Variants in GABRG3 observed in about 807,000 individuals in gnomAD.
The protein encoded by GABRG3 is gamma-aminobutyric acid type A receptor subunit gamma3, also known as gamma-aminobutyric acid receptor subunit gamma-3.
Under a neutral mutation model 48.8 loss-of-function variants are expected in GABRG3, and 25 were observed. The observed-to-expected ratio is 0.51, with a 90% CI of 0.37 to 0.72. The LOEUF (loss-of-function observed/expected upper bound fraction) is 0.72, where lower values mean the gene tolerates loss of function less well. GABRG3 is among the 30% of genes least tolerant of loss of function. The probability of loss-of-function intolerance (pLI) is 0.00; values close to 1 mark genes in which losing one functional copy is unlikely to be tolerated. For synonymous variants in GABRG3, 227 were observed against 217.6 expected, an observed-to-expected ratio of 1.04 and a Z score of -0.38; for missense variants, 394 against 577.9, an observed-to-expected ratio of 0.68 and a Z score of 3.26.
At chr15:27,366,632 G>T (rs1027386913) in intron 5 of GABRG3, among the ~76,000 whole-genome samples, 2 of 152,216 alleles carry the variant, frequency 1.3e-5, no homozygotes, top group East Asian at 1.9e-4. Context: ...AACCCAAGCT[G>T]TGTCTTCACG....
rs1005219763 is a variant in GABRG3 at position 27,499,053 on chromosome 15, G to A, written c.712+18266G>A. Among the ~76,000 whole-genome samples, 7 of 152,280 alleles carry A rather than the reference G, an allele frequency of 4.6e-5. No individual in the cohort carries two copies. In the South Asian group the frequency reaches 1.5e-3, roughly 32 times the overall value. On this transcript the variant is annotated intron_variant, in intron 6 of 9. Transcript: ENST00000615808. ...AGTACTTTCTCACGGAGCAGACCTC[G>A]TCAGTTGCAGTGGTGCTAAGGGCGG...
intron 2 of GABRG3, among the ~76,000 whole-genome samples, chr15:26,987,565 A>C (rs1283977379): frequency 6.6e-6 from 1 of 152,220 alleles, no homozygotes; most frequent in Non-Finnish European, 1.5e-5. Flanking sequence ...TCTAAAGGAC[A>C]TCTAATCCAA....
At chr15:27,081,724 G>A (rs947647331) in intron 3 of GABRG3, among the ~76,000 whole-genome samples, 4 of 152,186 alleles carry the variant, frequency 2.6e-5, no homozygotes, top group African/African-American at 9.7e-5. Context: ...CAACAACATG[G>A]GCTTCCCAGA....
rs1290928610 is a variant in GABRG3 at position 27,306,972 on chromosome 15, CAT to C, written c.271-19831_271-19830del. Among the ~76,000 whole-genome samples, 76 of 107,786 alleles carry C rather than the reference CAT, an allele frequency of 7.1e-4. 6 individuals are homozygous for C. In the South Asian group the frequency reaches 7.3e-3, roughly 10 times the overall value. 70.7% of individuals were successfully genotyped at this position (107,786 alleles called of 152,430 possible). On this transcript the variant is annotated intron_variant, in intron 3 of 9. Transcript: ENST00000615808. ...TAATATAAACATGTTTATATATAAA[CAT>C]ATATAATATAAACATGTTTATATAT...
At chr15:27,008,720 G>C (rs890666615) in intron 2 of GABRG3, among the ~76,000 whole-genome samples, 2 of 151,848 alleles carry the variant, frequency 1.3e-5, no homozygotes, top group African/African-American at 4.8e-5. Flanking sequence ...AAGTTGGAAG[G>C]AAAGGGAAGG....
intron 5 of GABRG3, among the ~76,000 whole-genome samples, chr15:27,461,340 A>G (rs966351272): frequency 3.3e-5 from 5 of 152,176 alleles, no homozygotes; most frequent in Non-Finnish European, 7.3e-5. Context: ...AAAGTTTACA[A>G]ACATTGACTA....
intron 3 of GABRG3, among the ~76,000 whole-genome samples, chr15:27,312,468 C>A (rs77628044): frequency 0.026 from 4,024 of 151,988 alleles, 141 homozygotes; most frequent in East Asian, 0.089. Flanking sequence ...AATGAGTCCC[C>A]AAAATGCATA....
At chr15:27,446,700 A>G (rs1888956405) in intron 5 of GABRG3, among the ~76,000 whole-genome samples, 1 of 152,144 alleles carries the variant, frequency 6.6e-6, no homozygotes, top group Non-Finnish European at 1.5e-5. Context: ...TTGTTTATAT[A>G]AATACAATTT....
intron 3 of GABRG3, among the ~76,000 whole-genome samples, chr15:27,172,541 C>T (rs1044347001): frequency 3.9e-5 from 6 of 152,134 alleles, no homozygotes; most frequent in South Asian, 4.1e-4. Flanking sequence ...AACTCCTCTG[C>T]GACACTCTGC....
chr15:27,307,531 A>G (rs538832274), intron 3 of GABRG3, among the ~76,000 whole-genome samples: 2 of 98,248 alleles, frequency 2.0e-5, no homozygotes, highest in African/African-American at 7.4e-5. Flanking sequence ...AGGTTTATAT[A>G]TTTATATATA....
intron 3 of GABRG3, among the ~76,000 whole-genome samples, chr15:27,073,057 G>A (rs1414583052): frequency 6.6e-6 from 1 of 152,182 alleles, no homozygotes; most frequent in Non-Finnish European, 1.5e-5. Flanking sequence ...CCAGGGTCCC[G>A]GATACCTGAG....
intron 5 of GABRG3, chr15:27,418,681 T>G (rs1888016951): frequency 6.6e-6 from 1 of 152,248 alleles, no homozygotes; most frequent in South Asian, 2.1e-4. Flanking sequence ...AAGGAATTAG[T>G]TGGTAAACAT....
At chr15:26,993,742 G>T (rs967008020) in intron 2 of GABRG3, among the ~76,000 whole-genome samples, 2 of 152,022 alleles carry the variant, frequency 1.3e-5, no homozygotes, top group Admixed American at 1.3e-4. Context: ...AGATTAAGAT[G>T]AGTGTTTCTT....
intron 3 of GABRG3, among the ~76,000 whole-genome samples, chr15:27,142,325 T>C (rs908866723): frequency 1.3e-5 from 2 of 152,180 alleles, no homozygotes; most frequent in African/African-American, 4.8e-5. Flanking sequence ...GACTTACAGT[T>C]CCACGTGGCT....
intron 3 of GABRG3, among the ~76,000 whole-genome samples, chr15:27,070,097 A>G (rs1896802887): frequency 2.6e-5 from 4 of 152,362 alleles, no homozygotes; most frequent in South Asian, 4.1e-4. Context: ...TGGCTATCCA[A>G]TGCTCCTGGA....
intron 3 of GABRG3, among the ~76,000 whole-genome samples, chr15:27,053,993 G>A (rs569774442): frequency 5.9e-5 from 9 of 152,046 alleles, no homozygotes; most frequent in South Asian, 2.1e-4. Context: ...CGGGTGTGGC[G>A]GCTCACGCCT....
intron 2 of GABRG3, among the ~76,000 whole-genome samples, chr15:27,011,876 T>G: frequency 6.6e-6 from 1 of 151,370 alleles, no homozygotes. Context: ...TCTACAATTC[T>G]AATTCACCTC....
At chr15:27,188,721 CTT>C (rs1203409488) in intron 3 of GABRG3, among the ~76,000 whole-genome samples, 3 of 152,116 alleles carry the variant, frequency 2.0e-5, no homozygotes, top group Non-Finnish European at 4.4e-5. Flanking sequence ...TGCAGAAGCT[CTT>C]TAGTTTCATT....
intron 3 of GABRG3, among the ~76,000 whole-genome samples, chr15:27,307,773 T>G (rs1305126375): frequency 2.1e-4 from 23 of 107,338 alleles, no homozygotes; most frequent in African/African-American, 6.4e-4. Flanking sequence ...AATAAACATA[T>G]GTTTATATAT....
Sources: gnomAD v4.1 joint callset for allele counts (sites outside exome capture counted in the v4.1 genomes callset) on GRCh38, gnomAD v4.1.1 for gene constraint, MANE v1.5 for transcripts, NCBI Gene and HGNC (gene_info 2026-07-23, HGNC 2026-07-21) for gene names.